KYNU: variants seen among roughly 807,000 people sequenced by gnomAD.
KYNU encodes L-kynurenine hydrolase.
In KYNU, 54 loss-of-function variants were observed where a neutral mutation model predicts 59.2. The observed-to-expected ratio is 0.91, with a 90% CI of 0.73 to 1.14. KYNU has a LOEUF of 1.14. Among genes scored for constraint, KYNU ranks in the 50% most tolerant of loss-of-function variants. The pLI, the probability that KYNU is intolerant of heterozygous loss-of-function variation, is 0.00. For missense variants in KYNU, 567 were observed against 554.4 expected, an observed-to-expected ratio of 1.02 and a Z score of -0.23; for synonymous variants, 177 against 192.0, an observed-to-expected ratio of 0.92 and a Z score of 0.65.
intron 1 of KYNU, chr2:142,881,256 G>A (rs1681286650): frequency 6.6e-6 from 1 of 152,198 alleles, no homozygotes; most frequent in Admixed American, 6.5e-5. Flanking sequence ...CTACACTTTT[G>A]TACAGAACCA....
At chr2:142,954,065 A>T (rs770644390) in intron 4 of KYNU, 4 of 152,120 alleles carry the variant, frequency 2.6e-5, no homozygotes, top group Non-Finnish European at 4.4e-5. Context: ...CAAAACATGG[A>T]AGGTATTATT....
Position 142,974,812 on chromosome 2 carries a change from G to C in KYNU, c.730-10272G>C, listed in dbSNP as rs573962382. On this transcript the variant is annotated intron_variant, in intron 8 of 13. Coordinates refer to ENST00000264170, the MANE Select transcript of KYNU (RefSeq NM_003937.3). The stretch of plus-strand genomic sequence containing the variant: ...CACCATCGCTGTTCAGGAATCCAGG[G>C]TTTTTATTGAAAGACAAGCATCAGC... 6.6e-5 allele frequency among the ~76,000 whole-genome samples: 10 copies of C among 152,244 alleles called. No homozygotes were observed. In the South Asian group the frequency reaches 2.1e-3, roughly 32 times the overall value.
chr2:143,025,798 T>C (rs1049367607), intron 10 of KYNU, among the ~76,000 whole-genome samples: 1 of 152,176 alleles, frequency 6.6e-6, no homozygotes, highest in Non-Finnish European at 1.5e-5. Context: ...TCATAATGAA[T>C]TACTTGAAAC....
intron 4 of KYNU, among the ~76,000 whole-genome samples, chr2:142,940,864 G>A (rs1347572892): frequency 6.6e-6 from 1 of 152,270 alleles, no homozygotes; most frequent in East Asian, 1.9e-4. Context: ...TCCATAATTT[G>A]CTAGAGCAAT....
At chr2:142,904,052 T>G (rs1682200504) in intron 2 of KYNU, among the ~76,000 whole-genome samples, 1 of 152,186 alleles carries the variant, frequency 6.6e-6, no homozygotes, top group African/African-American at 2.4e-5. Context: ...GGTTTCTAAG[T>G]TTTGCTCTGG....
At chr2:143,041,281 A>T (rs1271876248) in intron 13 of KYNU, among the ~76,000 whole-genome samples, 1 of 152,068 alleles carries the variant, frequency 6.6e-6, no homozygotes, top group Non-Finnish European at 1.5e-5. Flanking sequence ...TAATTAAGGC[A>T]TTGCTTGGCT....
chr2:142,934,300 A>G (rs1286021585), intron 4 of KYNU, among the ~76,000 whole-genome samples: 1 of 152,046 alleles, frequency 6.6e-6, no homozygotes, highest in Non-Finnish European at 1.5e-5. Flanking sequence ...GAAGTGTCCT[A>G]AACAGAGGGG....
rs919838648 is a variant in KYNU, at chr2:143,052,046, A to G, written c.*9874A>G. 1 of 152,292 alleles carries G rather than the reference A, an allele frequency of 6.6e-6. No homozygotes were observed. Among genetic ancestry groups the G allele is most frequent in the African/African-American group, 2.4e-5 (1 of 41,450 alleles). The allele number at this position is 152,292 out of a possible 1,614,324, so 9.4% of individuals were successfully genotyped here. A position where few individuals can be genotyped will look rare whatever the true frequency, so the allele number is the denominator to read the frequency against. ...TCCAGGCTGAGGTGGTCTCAGACAA[A>G]GATAAGGAACTTCTTGGGAACTGGA... On this transcript the variant is annotated 3_prime_UTR_variant, in exon 14 of 14. Transcript: ENST00000264170.
At chr2:142,979,658 C>G (rs1684997154) in intron 8 of KYNU, among the ~76,000 whole-genome samples, 1 of 151,956 alleles carries the variant, frequency 6.6e-6, no homozygotes, top group Non-Finnish European at 1.5e-5. Flanking sequence ...TTTAGTCATA[C>G]CCAGGAGGGC....
intron 10 of KYNU, among the ~76,000 whole-genome samples, chr2:143,001,746 A>T (rs1048534404): frequency 3.9e-5 from 6 of 152,198 alleles, no homozygotes; most frequent in African/African-American, 1.2e-4. Context: ...CCTTTGGATG[A>T]GTCACTCAAC....
At chr2:142,906,398 A>C (rs6734299) in intron 2 of KYNU, among the ~76,000 whole-genome samples, 85,048 of 151,988 alleles carry the variant, frequency 0.56, 24,838 homozygotes, top group African/African-American at 0.71. Context: ...GAGCATCTTA[A>C]ACAATGAGAG....
At chr2:143,013,415 T>A (rs1686169693) in intron 10 of KYNU, among the ~76,000 whole-genome samples, 1 of 152,016 alleles carries the variant, frequency 6.6e-6, no homozygotes, top group Non-Finnish European at 1.5e-5. Flanking sequence ...AACAAAGGAG[T>A]GCAGATATCT....
chr2:142,900,961 A>G (rs1259634341), intron 2 of KYNU, among the ~76,000 whole-genome samples: 2 of 152,026 alleles, frequency 1.3e-5, no homozygotes, highest in African/African-American at 2.4e-5. Context: ...CAAGGATGTT[A>G]AAGATACAGG....
intron 3 of KYNU, among the ~76,000 whole-genome samples, chr2:142,924,255 C>T (rs2105006251): frequency 6.6e-6 from 1 of 152,080 alleles, no homozygotes; most frequent in African/African-American, 2.4e-5. Context: ...TAGGTACATG[C>T]CACCAAGCCT....
intron 10 of KYNU, among the ~76,000 whole-genome samples, chr2:142,990,419 T>C (rs889531084): frequency 2.6e-5 from 4 of 151,866 alleles, no homozygotes; most frequent in Admixed American, 6.6e-5. Context: ...CTTTCAACTT[T>C]AGGGGATTCA....
At chr2:142,897,130 G>T (rs1005165905) in intron 2 of KYNU, among the ~76,000 whole-genome samples, 1 of 152,114 alleles carries the variant, frequency 6.6e-6, no homozygotes, top group African/African-American at 2.4e-5. Flanking sequence ...GAAAACATTT[G>T]TTAAGGTTTG....
intron 10 of KYNU, among the ~76,000 whole-genome samples, chr2:142,999,479 A>C (rs574447020): frequency 3.3e-5 from 5 of 152,134 alleles, no homozygotes; most frequent in Non-Finnish European, 5.9e-5. Context: ...TCTAAGTTAA[A>C]CTTGTTTGAT....
At chr2:142,926,153 G>A (rs13427560) in intron 3 of KYNU, among the ~76,000 whole-genome samples, 2,895 of 152,096 alleles carry the variant, frequency 0.019, 67 homozygotes, top group South Asian at 0.063. Context: ...AAGGGAGGGA[G>A]AGCATTAGGA....
chr2:143,038,625 T>C (rs1315798168), intron 12 of KYNU, among the ~76,000 whole-genome samples: 1 of 152,152 alleles, frequency 6.6e-6, no homozygotes, highest in Non-Finnish European at 1.5e-5. Flanking sequence ...CTGGGAGTTG[T>C]GGTTGAAGAG....
Sources: allele counts gnomAD v4.1 joint callset (sites outside exome capture counted in the v4.1 genomes callset), GRCh38; gene constraint gnomAD v4.1.1; transcripts MANE v1.5; gene names NCBI Gene and HGNC (gene_info 2026-07-23, HGNC 2026-07-21).